Variants in EPC2 observed in about 807,000 individuals in gnomAD.
The protein encoded by EPC2 is enhancer of polycomb 2.
EPC2 carries 14 observed loss-of-function variants against 92.1 expected under a neutral mutation model. The ratio of observed to expected loss-of-function variants is 0.15; its 90% CI spans 0.10 to 0.24. The LOEUF is 0.24. Ranked by LOEUF, EPC2 falls within the 10% of genes least tolerant of loss-of-function variation. The pLI is 1.00. For synonymous variants in EPC2, 340 were observed against 334.7 expected, an observed-to-expected ratio of 1.02 and a Z score of -0.17; for missense variants, 755 against 971.5, an observed-to-expected ratio of 0.78 and a Z score of 2.96.
chr2:148,713,556 A>G (rs1402276947), intron 2 of EPC2, among the ~76,000 whole-genome samples: 13 of 152,078 alleles, frequency 8.5e-5, no homozygotes, highest in Non-Finnish European at 1.9e-4. Context: ...TGTAGTCTAC[A>G]ACAGTGTAAT....
At chr2:148,780,680 G>A (rs1683730273) in intron 10 of EPC2, among the ~76,000 whole-genome samples, 1 of 152,100 alleles carries the variant, frequency 6.6e-6, no homozygotes, top group Non-Finnish European at 1.5e-5. Context: ...CTGCATTATA[G>A]TAGATAGTAA....
chr2:148,699,596 G>C (rs1305012058), intron 2 of EPC2, among the ~76,000 whole-genome samples: 3 of 151,936 alleles, frequency 2.0e-5, no homozygotes, highest in Admixed American at 2.0e-4. Context: ...TTTTATCATT[G>C]AATAATGTTT....
At chr2:148,681,191 A>T (rs1681385483) in intron 1 of EPC2, among the ~76,000 whole-genome samples, 1 of 152,246 alleles carries the variant, frequency 6.6e-6, no homozygotes, top group Non-Finnish European at 1.5e-5. Flanking sequence ...ACAAAAACAG[A>T]TATAAACGTC....
chr2:148,717,774 G>C (rs1465075909), intron 2 of EPC2, among the ~76,000 whole-genome samples: 1 of 152,160 alleles, frequency 6.6e-6, no homozygotes, highest in Non-Finnish European at 1.5e-5. Context: ...ACTCTATCCA[G>C]AGCTGAGTTC....
intron 10 of EPC2, among the ~76,000 whole-genome samples, chr2:148,777,547 A>G (rs1028357771): frequency 7.1e-6 from 1 of 141,518 alleles, no homozygotes; most frequent in Non-Finnish European, 1.5e-5. Flanking sequence ...GTTAACAAAG[A>G]TTTCCCATAT....
chr2:148,746,903 G>A (rs1258763896), intron 3 of EPC2, among the ~76,000 whole-genome samples: 2 of 151,998 alleles, frequency 1.3e-5, no homozygotes, highest in Non-Finnish European at 2.9e-5. Context: ...GAGTCTTGGT[G>A]TAAATGGATA....
intron 2 of EPC2, among the ~76,000 whole-genome samples, chr2:148,737,566 A>C (rs890254337): frequency 1.3e-5 from 2 of 152,106 alleles, no homozygotes; most frequent in African/African-American, 4.8e-5. Context: ...ACTTGCCCTC[A>C]GCGTGCCTAG....
chr2:148,773,303 C>T (rs1683564509), intron 10 of EPC2, among the ~76,000 whole-genome samples: 1 of 152,056 alleles, frequency 6.6e-6, no homozygotes, highest in South Asian at 2.1e-4. Context: ...GAATTTAAGT[C>T]ACAAGTAATC....
chr2:148,654,683 AAGAG>A (rs895792109), intron 1 of EPC2, among the ~76,000 whole-genome samples: 4 of 152,056 alleles, frequency 2.6e-5, no homozygotes, highest in African/African-American at 7.2e-5. Flanking sequence ...AACAAACAAA[AAGAG>A]AGAGCGCTTT....
At chr2:148,731,421 A>G (rs1403473923) in intron 2 of EPC2, among the ~76,000 whole-genome samples, 2 of 151,550 alleles carry the variant, frequency 1.3e-5, no homozygotes, top group African/African-American at 2.4e-5. Context: ...TTTTTTTTTG[A>G]GGTGGAGTTT....
intron 2 of EPC2, among the ~76,000 whole-genome samples, chr2:148,708,421 A>G (rs1211870923): frequency 3.9e-5 from 6 of 152,222 alleles, no homozygotes; most frequent in African/African-American, 1.4e-4. Context: ...AGGTATGAAG[A>G]GGAGCTGGTA....
intron 3 of EPC2, among the ~76,000 whole-genome samples, chr2:148,747,296 A>G (rs189030877): frequency 6.6e-6 from 1 of 151,988 alleles, no homozygotes; most frequent in African/African-American, 2.4e-5. Context: ...CTTCCTTTCT[A>G]CCTCCATACT....
In EPC2 at chr2:148,787,289, G is replaced by A. The variant is rs950344600; in HGVS notation, c.*912G>A. The A allele has an allele frequency of 6.6e-6, 1 of 151,234 alleles. No homozygotes were observed. The highest frequency in any genetic ancestry group is 1.5e-5 in the Non-Finnish European group (1 of 67,636). 9.4% of individuals were successfully genotyped at this position (151,234 alleles called of 1,614,324 possible). A position where few individuals can be genotyped will look rare whatever the true frequency, so the allele number is the denominator to read the frequency against. ...GTCTAGATATCGAGCCATCCCAGGT[G>A]TTGGGCGGGGGGAGGGTTGTGGCAA... On this transcript the variant is annotated 3_prime_UTR_variant, in exon 14 of 14. Transcript: ENST00000258484.
At chr2:148,769,105 C>A in intron 7 of EPC2, 46 bp from the exon 8 acceptor site, 1 of 1,227,906 alleles carries the variant, frequency 8.1e-7, no homozygotes, top group Non-Finnish European at 1.2e-6. Context: ...AAACATTGAT[C>A]TATTGACTTT....
At chr2:148,653,640 A>G (rs116537953) in intron 1 of EPC2, among the ~76,000 whole-genome samples, 37 of 151,210 alleles carry the variant, frequency 2.4e-4, no homozygotes, top group African/African-American at 8.5e-4. Flanking sequence ...AGAGGAATGC[A>G]GACTGGAGAG....
intron 2 of EPC2, among the ~76,000 whole-genome samples, chr2:148,731,175 G>T (rs937296234): frequency 6.6e-6 from 1 of 152,114 alleles, no homozygotes; most frequent in African/African-American, 2.4e-5. Context: ...GGTTGTTACT[G>T]GATTCATTGG....
At chr2:148,661,871 C>A (rs1393324257) in intron 1 of EPC2, among the ~76,000 whole-genome samples, 1 of 151,974 alleles carries the variant, frequency 6.6e-6, no homozygotes, top group African/African-American at 2.4e-5. Context: ...ACTAGCTTTC[C>A]TAGAATGAAC....
chr2:148,680,503 C>CTAG (rs1167016326), intron 1 of EPC2, among the ~76,000 whole-genome samples: 2 of 152,144 alleles, frequency 1.3e-5, no homozygotes, highest in Non-Finnish European at 2.9e-5. Context: ...TTCGTTTACT[C>CTAG]TAGTGCACTT....
intron 2 of EPC2, among the ~76,000 whole-genome samples, chr2:148,710,942 A>C (rs1017257325): frequency 1.3e-5 from 2 of 151,816 alleles, no homozygotes; most frequent in Non-Finnish European, 2.9e-5. Context: ...ACACACACAC[A>C]ATCTCCCCCA....
Sources: allele counts gnomAD v4.1 joint callset (sites outside exome capture counted in the v4.1 genomes callset), GRCh38; gene constraint gnomAD v4.1.1; transcripts MANE v1.5; gene names NCBI Gene and HGNC (gene_info 2026-07-23, HGNC 2026-07-21).